The following CLVS2 variants were observed in gnomAD, a reference collection of about 807,000 sequenced individuals.
CLVS2 encodes clavesin-2.
A neutral mutation model predicts 29.0 loss-of-function variants in CLVS2; 19 were observed. The observed-to-expected ratio is 0.66, with a 90% CI of 0.46 to 0.96. The LOEUF (loss-of-function observed/expected upper bound fraction) is 0.96, where lower values mean the gene tolerates loss of function less well. CLVS2 is among the 40% of genes least tolerant of loss of function. CLVS2 has a pLI of 0.00. For synonymous variants in CLVS2, 161 were observed against 151.3 expected (o/e 1.06, Z -0.47); for missense variants, 294 against 404.1 (o/e 0.73, Z 2.34).
At chr6:123,012,927 C>T (rs1032407536) in intron 3 of CLVS2, among the ~76,000 whole-genome samples, 2 of 151,980 alleles carry the variant, frequency 1.3e-5, no homozygotes, top group Admixed American at 6.6e-5. Flanking sequence ...TGATGTGTTA[C>T]TAACCTTTAA....
In CLVS2 at chr6:123,070,010, T is replaced by C. The variant is rs993684246; in HGVS notation, c.*6249T>C. On this transcript the variant is annotated 3_prime_UTR_variant, in exon 6 of 6. Coordinates refer to ENST00000275162, the MANE Select transcript of CLVS2 (RefSeq NM_001010852.4). ...ACATAATTCACTTAGTTGCATATGA[T>C]TGAAATATTTGCATGCTGGTTTATA... 9 of 151,978 alleles carry C rather than the reference T, an allele frequency of 5.9e-5. No individual in the cohort carries two copies. Among genetic ancestry groups the C allele is most frequent in the African/African-American group, 1.4e-4 (6 of 41,408 alleles). The allele number at this position is 151,978 out of a possible 1,614,324, so 9.4% of individuals were successfully genotyped here.
At chr6:123,061,409 G>A (rs1772776792) in intron 5 of CLVS2, among the ~76,000 whole-genome samples, 1 of 151,754 alleles carries the variant, frequency 6.6e-6, no homozygotes, top group African/African-American at 2.4e-5. Flanking sequence ...TTCTGATCCT[G>A]CACAAATAAT....
chr6:123,072,330 A>T lies in CLVS2; in HGVS notation c.*8569A>T, dbSNP rs1582671762. 1 of 152,184 alleles carries T rather than the reference A, an allele frequency of 6.6e-6. No individual in the cohort carries two copies. Among genetic ancestry groups the T allele is most frequent in the East Asian group, 1.9e-4 (1 of 5,166 alleles). 9.4% of individuals were successfully genotyped at this position (152,184 alleles called of 1,614,324 possible). A position where few individuals can be genotyped will look rare whatever the true frequency, so the allele number is the denominator to read the frequency against. On this transcript the variant is annotated 3_prime_UTR_variant, in exon 6 of 6. Coordinates refer to ENST00000275162, the MANE Select transcript of CLVS2 (RefSeq NM_001010852.4). Reference sequence around the variant, plus strand: ...TGTTTCAGAAGTTAACCAGTCTTTTAGTGGCTTTGTAATGGGTAGGGGTTT... The same window carrying T: ...TGTTTCAGAAGTTAACCAGTCTTTTTGTGGCTTTGTAATGGGTAGGGGTTT...
chr6:123,003,941 A>G (rs912883549), intron 2 of CLVS2, among the ~76,000 whole-genome samples: 1 of 152,210 alleles, frequency 6.6e-6, no homozygotes, highest in African/African-American at 2.4e-5. Flanking sequence ...ACAACTGGTA[A>G]GTGAATTAGT....
intron 3 of CLVS2, among the ~76,000 whole-genome samples, chr6:123,021,696 C>T (rs1774923391): frequency 6.6e-6 from 1 of 152,026 alleles, no homozygotes; most frequent in Non-Finnish European, 1.5e-5. Flanking sequence ...AGGAAATTGG[C>T]ATTGGTACAG....
chr6:123,046,284 G>T (rs897662761), intron 3 of CLVS2, among the ~76,000 whole-genome samples: 8 of 152,208 alleles, frequency 5.3e-5, no homozygotes, highest in Non-Finnish European at 1.0e-4. Context: ...TTGTGTGCAA[G>T]TTATGTGTAT....
rs1774662362 is a variant in CLVS2 at position 123,006,017 on chromosome 6, C to G, written c.390-4968C>G. Among the ~76,000 whole-genome samples the G allele has an allele frequency of 3.9e-5, 6 of 152,228 alleles. No homozygotes were observed. In the South Asian group the frequency reaches 1.2e-3, roughly 32 times the overall value. ...TGGTGCTGAAGATAGAAAGTGGTATCAAACAGTGAAAGAGTTTTTAAGCTA... is the reference window on the plus strand; with the variant it reads ...TGGTGCTGAAGATAGAAAGTGGTATGAAACAGTGAAAGAGTTTTTAAGCTA... On this transcript the variant is annotated intron_variant, in intron 2 of 5. Transcript: ENST00000275162.
chr6:123,008,627 C>G (rs1412947934), intron 2 of CLVS2, among the ~76,000 whole-genome samples: 1 of 151,772 alleles, frequency 6.6e-6, no homozygotes, highest in Non-Finnish European at 1.5e-5. Flanking sequence ...TGAAGTTAGA[C>G]TTTTTGAATC....
At chr6:123,041,660 T>A (rs1775236316) in intron 3 of CLVS2, among the ~76,000 whole-genome samples, 1 of 152,192 alleles carries the variant, frequency 6.6e-6, no homozygotes, top group Non-Finnish European at 1.5e-5. Flanking sequence ...TGATTTTTTT[T>A]AATAGTAATG....
At chr6:123,000,457 T>C (rs1277311843) in intron 2 of CLVS2, among the ~76,000 whole-genome samples, 1 of 152,164 alleles carries the variant, frequency 6.6e-6, no homozygotes, top group African/African-American at 2.4e-5. Flanking sequence ...CATAAAAACG[T>C]CCTTGGCTCC....
At chr6:123,060,508 G>A (rs1054217359) in intron 5 of CLVS2, among the ~76,000 whole-genome samples, 1 of 152,152 alleles carries the variant, frequency 6.6e-6, no homozygotes, top group African/African-American at 2.4e-5. Flanking sequence ...CTCTATGTAT[G>A]TTGATTCATT....
intron 3 of CLVS2, among the ~76,000 whole-genome samples, chr6:123,020,029 G>A (rs1335098891): frequency 6.6e-6 from 1 of 151,940 alleles, no homozygotes; most frequent in Non-Finnish European, 1.5e-5. Flanking sequence ...ACTGGGGAGG[G>A]CAGTCTGCTT....
At chr6:123,051,715 C>G (rs955605015) in intron 4 of CLVS2, among the ~76,000 whole-genome samples, 5 of 152,120 alleles carry the variant, frequency 3.3e-5, no homozygotes, top group Non-Finnish European at 7.3e-5. Flanking sequence ...AGCATAATCT[C>G]TTTAATAGCA....
intron 4 of CLVS2, among the ~76,000 whole-genome samples, chr6:123,051,147 G>A (rs986491908): frequency 7.2e-5 from 11 of 152,012 alleles, no homozygotes; most frequent in African/African-American, 1.9e-4. Context: ...CTTATGCTTC[G>A]GATGCTATAA....
intron 3 of CLVS2, among the ~76,000 whole-genome samples, chr6:123,032,530 A>T (rs1456952062): frequency 6.6e-6 from 1 of 152,138 alleles, no homozygotes; most frequent in Non-Finnish European, 1.5e-5. Flanking sequence ...CAAAAATGAC[A>T]TTTAACAAAT....
intron 4 of CLVS2, among the ~76,000 whole-genome samples, chr6:123,050,500 C>T (rs997834862): frequency 1.4e-4 from 21 of 151,972 alleles, no homozygotes; most frequent in African/African-American, 3.9e-4. Context: ...ATCGTAGAGC[C>T]GGATACGTGA....
chr6:123,033,280 G>T (rs1775108179), intron 3 of CLVS2, among the ~76,000 whole-genome samples: 1 of 152,036 alleles, frequency 6.6e-6, no homozygotes, highest in South Asian at 2.1e-4. Flanking sequence ...ATAGTGAAAA[G>T]AAGATTTTGT....
At position 122,997,723 on chromosome 6, in the gene CLVS2, G is replaced by A. The variant is rs184063088; in HGVS notation, c.-55G>A. On this transcript the variant is annotated 5_prime_UTR_variant, in exon 2 of 6. Transcript: ENST00000275162. The stretch of plus-strand genomic sequence containing the variant: ...TCTGGTGGTGGCAAGGACCAGGTTT[G>A]CTTTGGGACAGTCAACAAGGTCTTC... 14 of 1,576,192 alleles carry A rather than the reference G, an allele frequency of 8.9e-6. No individual in the cohort carries two copies. Among genetic ancestry groups the A allele is most frequent in the African/African-American group, 1.3e-5 (1 of 74,246 alleles).
At chr6:123,057,104 G>C (rs1298268891) in intron 5 of CLVS2, among the ~76,000 whole-genome samples, 2 of 151,986 alleles carry the variant, frequency 1.3e-5, no homozygotes, top group African/African-American at 2.4e-5. Flanking sequence ...CACAGCTCAG[G>C]GTCCATTTGG....
Sources: allele counts gnomAD v4.1 joint callset (sites outside exome capture counted in the v4.1 genomes callset), GRCh38; gene constraint gnomAD v4.1.1; transcripts MANE v1.5; gene names NCBI Gene and HGNC (gene_info 2026-07-23, HGNC 2026-07-21).